Variants in NTNG2 observed in about 807,000 individuals in gnomAD.
NTNG2 encodes netrin-G2.
Under a neutral mutation model 47.6 loss-of-function variants are expected in NTNG2, and 15 were observed. The ratio of observed to expected loss-of-function variants is 0.32; its 90% CI spans 0.21 to 0.49. The LOEUF (loss-of-function observed/expected upper bound fraction) is 0.49, where lower values mean the gene tolerates loss of function less well. Among genes scored for constraint, NTNG2 ranks in the 20% least tolerant of loss-of-function variants. NTNG2 has a pLI of 0.99. For missense variants in NTNG2, 578 were observed against 764.6 expected, an observed-to-expected ratio of 0.76 and a Z score of 2.88; for synonymous variants, 307 against 324.6, an observed-to-expected ratio of 0.95 and a Z score of 0.58.
intron 2 of NTNG2, among the ~76,000 whole-genome samples, chr9:132,195,474 A>ATTTTTTT (rs56733654): frequency 2.5e-5 from 2 of 80,118 alleles, no homozygotes; most frequent in East Asian, 3.4e-4. Context: ...ACGCCTGGCT[A>ATTTTTTT]TTTTTTTTTT....
Position 132,173,877 on chromosome 9 carries a change from A to G in NTNG2, c.213+6833A>G, listed in dbSNP as rs376805767. Among the ~76,000 whole-genome samples, 551 of 146,540 alleles carry G rather than the reference A, an allele frequency of 3.8e-3. 3 individuals carry two copies. Among genetic ancestry groups the G allele is most frequent in the African/African-American group, 0.013 (521 of 39,026 alleles). ...TGGATGGACAGACGGACAGACAGGC[A>G]GGCCGCACCATGCTGCGGATGAGAT... On this transcript the variant is annotated intron_variant, in intron 2 of 7. Coordinates refer to ENST00000393229, the MANE Select transcript of NTNG2 (RefSeq NM_032536.4).
In NTNG2 at chr9:132,240,211, G is replaced by A. The variant is rs139398067; in HGVS notation, c.1223-699G>A. Among the ~76,000 whole-genome samples, 17 of 152,338 alleles carry A rather than the reference G, an allele frequency of 1.1e-4. No homozygotes were observed. The East Asian group carries it at 3.1e-3, about 28-fold the overall frequency. On this transcript the variant is annotated intron_variant, in intron 6 of 7. Coordinates refer to ENST00000393229, the MANE Select transcript of NTNG2 (RefSeq NM_032536.4). ...TGGAGCTGTCGGTCTGAATTCTGGC[G>A]GCAGCCTTCAGATAATTCCATCAAC...
rs370495685 is a variant in NTNG2 at position 132,236,073 on chromosome 9, C to G, written c.1055-3031C>G. Among the ~76,000 whole-genome samples, 2 of 152,246 alleles carry G rather than the reference C, an allele frequency of 1.3e-5. No individual in the cohort carries two copies. Among genetic ancestry groups the G allele is most frequent in the African/African-American group, 2.4e-5 (1 of 41,468 alleles). ...CCCGCCTCCCACGACAGGAACCCCC[C>G]TCTCCAGCTGCCCTTGCTCACAGGA... On this transcript the variant is annotated intron_variant, in intron 5 of 7. Coordinates refer to ENST00000393229, the MANE Select transcript of NTNG2 (RefSeq NM_032536.4). This position sits in a 1 kb window ranked among gnomAD's most constrained non-coding sequence, Gnocchi z 4.3.
chr9:132,192,533 G>A (rs1265949117), intron 2 of NTNG2, among the ~76,000 whole-genome samples: 3 of 152,232 alleles, frequency 2.0e-5, no homozygotes, highest in Non-Finnish European at 4.4e-5. Flanking sequence ...GGAGGTTGCA[G>A]TGAGCCGAGA....
rs61393543 is a variant in NTNG2 at position 132,213,331 on chromosome 9, CAAAAAAAAAAAAAAAAAA to C, written c.858-13505_858-13488del. ...GCGATGACAGAGTAAGACTCCATCT[CAAAAAAAAAAAAAAAAAA>C]AAAAAAAAAAAAGAAGGACTTGAGA... is the stretch of plus-strand genomic sequence containing the variant. On this transcript the variant is annotated intron_variant, in intron 3 of 7. Transcript: ENST00000393229. 1.9e-4 allele frequency among the ~76,000 whole-genome samples: 20 copies of C among 104,368 alleles called. 1 individual carries two copies. The highest frequency in any genetic ancestry group is 2.7e-4 in the Non-Finnish European group (13 of 47,478). The allele number at this position is 104,368 out of a possible 152,430, so 68.5% of individuals were successfully genotyped here.
chr9:132,231,504 C>T lies in NTNG2; in HGVS notation c.1054+909C>T. ...CCCAGGGGGCCCCTGGCTGGGAAGC[C>T]AGTGAGCCGAGAGGGCGCCAGAAAG... On this transcript the variant is annotated intron_variant, in intron 5 of 7. Transcript: ENST00000393229. This position sits in a 1 kb window ranked among gnomAD's most constrained non-coding sequence, Gnocchi z 4.1. 1 of 358,536 alleles carries T rather than the reference C, an allele frequency of 2.8e-6. No individual in the cohort carries two copies. The highest frequency in any genetic ancestry group is 5.5e-6 in the Non-Finnish European group (1 of 181,488). The allele number at this position is 358,536 out of a possible 1,614,324, so 22.2% of individuals were successfully genotyped here.
chr9:132,208,890 A>G lies in NTNG2; in HGVS notation c.857+10281A>G, dbSNP rs1029318335. Reference sequence around the variant, plus strand: ...AGAACTCCCGTCCCGAGACCCCTGGAAGCCCCCATCCTGCTCCCTGAAAAT... The same window carrying G: ...AGAACTCCCGTCCCGAGACCCCTGGGAGCCCCCATCCTGCTCCCTGAAAAT... On this transcript the variant is annotated intron_variant, in intron 3 of 7. Coordinates refer to ENST00000393229, the MANE Select transcript of NTNG2 (RefSeq NM_032536.4). This position sits in a 1 kb window ranked among gnomAD's most constrained non-coding sequence, Gnocchi z 4.0. Among the ~76,000 whole-genome samples, 11 of 151,678 alleles carry G rather than the reference A, an allele frequency of 7.3e-5. No homozygotes were observed. The highest frequency in any genetic ancestry group is 7.2e-4 in the Admixed American group (11 of 15,236).
intron 2 of NTNG2, among the ~76,000 whole-genome samples, chr9:132,188,041 T>C (rs1837539218): frequency 6.6e-6 from 1 of 152,352 alleles, no homozygotes; most frequent in Non-Finnish European, 1.5e-5. Flanking sequence ...AGGGCACCTA[T>C]TGATTTATGC....
rs149602250 is a variant in NTNG2, at chr9:132,219,446, G to A, written c.858-7403G>A. 5.3e-3 allele frequency among the ~76,000 whole-genome samples: 804 copies of A among 151,568 alleles called. 7 individuals carry two copies. The highest frequency in any genetic ancestry group is 0.018 in the African/African-American group (763 of 41,316). ...AAATTAGCTAGATGTGGTGGTGGGT[G>A]CCTGTAATCCCAGCTACTTAGCAGG... On this transcript the variant is annotated intron_variant, in intron 3 of 7. Transcript: ENST00000393229.
In NTNG2 at chr9:132,244,469, C is replaced by G. The variant is rs575219160; in HGVS notation, c.*2358C>G. ...TGCTGAGATTACAGGCATGAGCCAC[C>G]GCACCACCTGCCTGTCTTACTGTGT... On this transcript the variant is annotated 3_prime_UTR_variant, in exon 8 of 8. Coordinates refer to ENST00000393229, the MANE Select transcript of NTNG2 (RefSeq NM_032536.4). 1 of 152,278 alleles carries G rather than the reference C, an allele frequency of 6.6e-6. No homozygotes were observed. The highest frequency in any genetic ancestry group is 2.4e-5 in the African/African-American group (1 of 41,456). 9.4% of individuals were successfully genotyped at this position (152,278 alleles called of 1,614,324 possible).
At chr9:132,241,629 A>C in intron 7 of NTNG2, 2 of 504,538 alleles carry the variant, frequency 4.0e-6, no homozygotes, top group South Asian at 4.7e-5. Flanking sequence ...GGCGCGTCTG[A>C]AGAACAGCAC....
intron 2 of NTNG2, among the ~76,000 whole-genome samples, chr9:132,189,110 T>C (rs959336447): frequency 2.5e-5 from 3 of 121,522 alleles, no homozygotes; most frequent in African/African-American, 1.1e-4. Flanking sequence ...AGGGTCTCAC[T>C]CTGTCACTCA....
intron 3 of NTNG2, among the ~76,000 whole-genome samples, chr9:132,214,838 CA>C: frequency 6.6e-6 from 1 of 151,526 alleles, no homozygotes; most frequent in Middle Eastern, 3.4e-3. Context: ...CTTGTACTAA[CA>C]AAATCATTAG....
chr9:132,168,943 G>C (rs1279236410), intron 2 of NTNG2, among the ~76,000 whole-genome samples: 1 of 152,162 alleles, frequency 6.6e-6, no homozygotes, highest in Non-Finnish European at 1.5e-5. Context: ...AAGCTGTCTA[G>C]GGTGTCATTG....
chr9:132,192,099 C>G (rs1389682210), intron 2 of NTNG2, among the ~76,000 whole-genome samples: 1 of 152,184 alleles, frequency 6.6e-6, no homozygotes, highest in East Asian at 1.9e-4. Context: ...AGTTGATCTG[C>G]TGTCCTGGAG....
chr9:132,181,763 C>A (rs1372360293), intron 2 of NTNG2, among the ~76,000 whole-genome samples: 1 of 152,226 alleles, frequency 6.6e-6, no homozygotes, highest in Non-Finnish European at 1.5e-5. Context: ...GTATTTAGAT[C>A]CGTTTTGAAT....
chr9:132,240,727 C>A, intron 6 of NTNG2, 183 bp from the exon 7 acceptor site: 1 of 794,036 alleles, frequency 1.3e-6, no homozygotes, highest in East Asian at 2.7e-5. Flanking sequence ...AGTCTTCTCT[C>A]CAGGCCTGGC....
chr9:132,228,328 G>C (rs537801861), intron 4 of NTNG2, among the ~76,000 whole-genome samples: 1 of 152,214 alleles, frequency 6.6e-6, no homozygotes, highest in Non-Finnish European at 1.5e-5. Context: ...CAGCACTCTC[G>C]GGTCTTCAAA....
rs1031413986 is a variant in NTNG2, at chr9:132,180,905, A to G, written c.213+13861A>G. On this transcript the variant is annotated intron_variant, in intron 2 of 7. Coordinates refer to ENST00000393229, the MANE Select transcript of NTNG2 (RefSeq NM_032536.4). This position sits in a 1 kb window ranked among gnomAD's most constrained non-coding sequence, Gnocchi z 4.2. The stretch of plus-strand genomic sequence containing the variant: ...GCAAACACTGGGCTCATGCACAGGC[A>G]CACACACACACATATAAGGTTGCAA... Among the ~76,000 whole-genome samples the G allele has an allele frequency of 3.3e-5, 5 of 152,014 alleles. No homozygotes were observed. The highest frequency in any genetic ancestry group is 6.6e-5 in the Admixed American group (1 of 15,244).
Sources: allele counts gnomAD v4.1 joint callset (sites outside exome capture counted in the v4.1 genomes callset), GRCh38; gene constraint gnomAD v4.1.1; non-coding constraint Gnocchi (gnomAD v3.1); transcripts MANE v1.5; gene names NCBI Gene and HGNC (gene_info 2026-07-23, HGNC 2026-07-21).